The following NONO variants were observed in gnomAD, a reference collection of about 807,000 sequenced individuals.
NONO encodes the protein non-POU domain containing octamer binding.
NONO carries 6 observed loss-of-function variants against 40.2 expected under a neutral mutation model. The observed-to-expected ratio is 0.15, with a 90% CI of 0.08 to 0.29. NONO has a LOEUF of 0.29. NONO is among the 10% of genes least tolerant of loss of function. NONO has a pLI of 1.00. For missense variants in NONO, 133 were observed against 397.8 expected (o/e 0.33, Z 5.66); for synonymous variants, 89 against 123.3 (o/e 0.72, Z 1.85).
In NONO at chrX:71,298,711, T is replaced by G. The variant is rs1202583613; in HGVS notation, c.1176T>G (p.Ala392=). The part of the protein sequence containing the change: ...IRMGQMAMGG[A]MGINNRGAMP... Reference sequence around the variant, plus strand: ...GATCACACTACTCTGCCTTAGGTGCTATGGGCATAAACAACAGAGGTGCCA... The same window carrying G: ...GATCACACTACTCTGCCTTAGGTGCGATGGGCATAAACAACAGAGGTGCCA... The change falls in exon 11 of 12, where the codon GCT becomes GCG. Residue 392 remains alanine, a synonymous_variant. Coordinates refer to ENST00000276079, the MANE Select transcript of NONO (RefSeq NM_007363.5). The G allele has an allele frequency of 1.7e-6, 2 of 1,204,820 alleles. No homozygotes were observed. Among genetic ancestry groups the G allele is most frequent in the Non-Finnish European group, 2.2e-6 (2 of 891,145 alleles).
intron 2 of NONO, among the ~76,000 whole-genome samples, chrX:71,286,698 G>A (rs911830664): frequency 1.8e-5 from 2 of 111,567 alleles, no homozygotes; most frequent in African/African-American, 3.3e-5. Flanking sequence ...TAGATGTACC[G>A]TACTTTCATG....
In NONO at chrX:71,300,549, T is replaced by C; in HGVS notation, c.*473T>C. 2.1e-5 allele frequency: 4 copies of C among 192,315 alleles called. No individual in the cohort carries two copies. The highest frequency in any genetic ancestry group is 1.4e-4 in the Admixed American group (2 of 14,496). 15.8% of individuals were successfully genotyped at this position (192,315 alleles called of 1,213,427 possible). A position where few individuals can be genotyped will look rare whatever the true frequency, so the allele number is the denominator to read the frequency against. ...CCAGGTTGATCTTGAACTCCTGACCTCGTGATCTACCCACCTCGGCCTCCC... is the reference window on the plus strand; with the variant it reads ...CCAGGTTGATCTTGAACTCCTGACCCCGTGATCTACCCACCTCGGCCTCCC... On this transcript the variant is annotated 3_prime_UTR_variant, in exon 12 of 12. Transcript: ENST00000276079.
At position 71,288,162 on chromosome X, in the gene NONO, C is replaced by G. The variant is rs559586882; in HGVS notation, c.-9-2467C>G. On this transcript the variant is annotated intron_variant, in intron 2 of 11. Coordinates refer to ENST00000276079, the MANE Select transcript of NONO (RefSeq NM_007363.5). Reference sequence around the variant, plus strand: ...TTTTCTTGAGACAGGGTCTCATTCTCCCTGCCCAGGCTGGAATACAATGGC... The same window carrying G: ...TTTTCTTGAGACAGGGTCTCATTCTGCCTGCCCAGGCTGGAATACAATGGC... Among the ~76,000 whole-genome samples the G allele has an allele frequency of 3.0e-4, 22 of 72,673 alleles. No individual in the cohort carries two copies. The South Asian group carries it at 0.021, about 69-fold the overall frequency. The allele number at this position is 72,673 out of a possible 115,157, so 63.1% of individuals were successfully genotyped here.
At position 71,300,529 on chromosome X, in the gene NONO, T is replaced by G. The variant is rs978247721; in HGVS notation, c.*453T>G. 16 of 201,127 alleles carry G rather than the reference T, an allele frequency of 8.0e-5. No individual in the cohort carries two copies. Among genetic ancestry groups the G allele is most frequent in the African/African-American group, 3.7e-4 (12 of 32,528 alleles). The allele number at this position is 201,127 out of a possible 1,213,427, so 16.6% of individuals were successfully genotyped here. On this transcript the variant is annotated 3_prime_UTR_variant, in exon 12 of 12. Transcript: ENST00000276079. ...CCTCCCGGGTTCAAGCTTGTCCAGG[T>G]TGATCTTGAACTCCTGACCTCGTGA...
intron 4 of NONO, chrX:71,293,062 A>G (rs2031361631): frequency 8.9e-6 from 1 of 112,947 alleles, no homozygotes; most frequent in East Asian, 2.8e-4. Context: ...GGGAAAGTAT[A>G]TGAGAGGAAA....
intron 2 of NONO, among the ~76,000 whole-genome samples, chrX:71,289,765 GT>G (rs2031282597): frequency 1.8e-5 from 2 of 109,101 alleles, no homozygotes; most frequent in African/African-American, 6.7e-5. Flanking sequence ...CCTGGGTAGT[GT>G]TTTTTTGTTT....
intron 2 of NONO, among the ~76,000 whole-genome samples, chrX:71,285,473 C>G (rs1409852234): frequency 9.0e-6 from 1 of 111,145 alleles, no homozygotes; most frequent in African/African-American, 3.3e-5. Flanking sequence ...AGGATAGATT[C>G]TATTTTTAAG....
chrX:71,287,663 G>A (rs1324437760), intron 2 of NONO, among the ~76,000 whole-genome samples: 3 of 110,989 alleles, frequency 2.7e-5, no homozygotes, highest in Non-Finnish European at 5.7e-5. Flanking sequence ...TTACAGGCAT[G>A]AACCACTGCA....
chrX:71,291,444 T>G (rs767115528), intron 3 of NONO, among the ~76,000 whole-genome samples: 1 of 110,451 alleles, frequency 9.1e-6, no homozygotes, highest in South Asian at 3.8e-4. Flanking sequence ...TGAAGGTACG[T>G]TTTGAATGTT....
In NONO at chrX:71,299,615, TTTTTTC is replaced by T. The variant is rs1159112907; in HGVS notation, c.1282-315_1282-310del. On this transcript the variant is annotated intron_variant, in intron 11 of 11. Coordinates refer to ENST00000276079, the MANE Select transcript of NONO (RefSeq NM_007363.5). Reference sequence around the variant, plus strand: ...TGGTTGTTTCTGTTTTTGTTTTTCTTTTTTTCTTTTTCTTTTTGAGACAGAGTTTTG... The same window carrying T: ...TGGTTGTTTCTGTTTTTGTTTTTCTTTTTTTCTTTTTGAGACAGAGTTTTG... Among the ~76,000 whole-genome samples the T allele has an allele frequency of 3.6e-5, 4 of 111,954 alleles. No homozygotes were observed. The South Asian group carries it at 1.1e-3, about 31-fold the overall frequency.
intron 2 of NONO, among the ~76,000 whole-genome samples, chrX:71,289,034 T>C (rs1311751797): frequency 1.8e-5 from 2 of 112,303 alleles, no homozygotes; most frequent in African/African-American, 6.5e-5. Flanking sequence ...TACTAGTCTT[T>C]GTCCTTGTGA....
intron 2 of NONO, among the ~76,000 whole-genome samples, chrX:71,288,211 C>T (rs2031245057): frequency 1.0e-5 from 1 of 95,550 alleles, no homozygotes; most frequent in Non-Finnish European, 2.0e-5. Flanking sequence ...ACTGCAGCCT[C>T]AGCCTCTCAA....
chrX:71,298,443 TGTC>T (rs2031500838), intron 9 of NONO, 23 bp from the exon 10 acceptor site: 2 of 1,195,558 alleles, frequency 1.7e-6, no homozygotes, highest in East Asian at 5.9e-5. Flanking sequence ...TGTCTTGGAC[TGTC>T]TTGAGTATTT....
At chrX:71,295,331 C>G (rs1051522347) in intron 5 of NONO, among the ~76,000 whole-genome samples, 4 of 104,838 alleles carry the variant, frequency 3.8e-5, no homozygotes, top group African/African-American at 1.4e-4. Context: ...CTAAAAAATA[C>G]AACAAATTAG....
chrX:71,297,830 C>T lies in NONO; in HGVS notation c.1029-6C>T. The T allele has an allele frequency of 8.4e-7, 1 of 1,196,952 alleles. No individual in the cohort carries two copies. The highest frequency in any genetic ancestry group is 1.1e-6 in the Non-Finnish European group (1 of 882,699). On this transcript the variant is annotated splice_polypyrimidine_tract_variant and splice_region_variant and intron_variant, in intron 8 of 11. Coordinates refer to ENST00000276079, the MANE Select transcript of NONO (RefSeq NM_007363.5). ...CTGTCTTAAATACATTGGTGACTCT[C>T]TGTAGGCAGGAGGAAGAGCGCAGGC...
intron 5 of NONO, among the ~76,000 whole-genome samples, chrX:71,295,824 G>A (rs2031435362): frequency 8.9e-6 from 1 of 111,960 alleles, no homozygotes; most frequent in African/African-American, 3.2e-5. Flanking sequence ...AAGCTTTCTC[G>A]TATGATTTTT....
intron 4 of NONO, chrX:71,294,007 T>C (rs1254992270): frequency 3.3e-5 from 14 of 419,897 alleles, no homozygotes; most frequent in Middle Eastern, 1.3e-3. Context: ...CTAAGTGTTA[T>C]TGACTTCTAG....
At chrX:71,296,689 A>C (rs375397061) in intron 6 of NONO, 29 bp downstream of exon 6, 1 of 1,090,521 alleles carries the variant, frequency 9.2e-7, no homozygotes, top group South Asian at 2.0e-5. Flanking sequence ...TTTCCCTATT[A>C]GGTGTTTCCT....
intron 6 of NONO, 56 bp from the exon 7 acceptor site, chrX:71,296,795 A>G (rs1389040598): frequency 5.3e-6 from 6 of 1,136,021 alleles, no homozygotes; most frequent in Non-Finnish European, 7.1e-6. Flanking sequence ...AAGGAATGCA[A>G]TTCTTAGCTG....
Sources: gnomAD v4.1 joint callset for allele counts (sites outside exome capture counted in the v4.1 genomes callset) on GRCh38, gnomAD v4.1.1 for gene constraint, MANE v1.5 for transcripts, NCBI Gene and HGNC (gene_info 2026-07-23, HGNC 2026-07-21) for gene names.